PARD3B: variants seen among roughly 807,000 people sequenced by gnomAD.
PARD3B encodes partitioning defective 3 homolog B.
PARD3B carries 103 observed loss-of-function variants against 130.2 expected under a neutral mutation model. That is an observed-to-expected ratio of 0.79 (90% CI 0.67 to 0.93). The LOEUF (loss-of-function observed/expected upper bound fraction) is 0.93, where lower values mean the gene tolerates loss of function less well. Among genes scored for constraint, PARD3B ranks in the 40% least tolerant of loss-of-function variants. The probability of loss-of-function intolerance (pLI) is 0.00; values close to 1 mark genes in which losing one functional copy is unlikely to be tolerated. For missense variants in PARD3B, 1,609 were observed against 1,499.2 expected (o/e 1.07, Z -1.21); for synonymous variants, 583 against 553.2 (o/e 1.05, Z -0.76).
chr2:205,150,252 T>TGTGC lies in PARD3B; in HGVS notation c.1435-8469_1435-8468insTGCG, dbSNP rs375301293. Among the ~76,000 whole-genome samples the TGTGC allele has an allele frequency of 3.0e-3, 432 of 145,874 alleles. 8 individuals are homozygous for TGTGC. Among genetic ancestry groups the TGTGC allele is most frequent in the African/African-American group, 0.01 (392 of 38,952 alleles). ...GTGTGTGTGTGTGTGTGTGTGTGTG[T>TGTGC]GCACACACGCTTGAAATCTGTGAGT... On this transcript the variant is annotated intron_variant, in intron 10 of 22. Coordinates refer to ENST00000406610, the MANE Select transcript of PARD3B (RefSeq NM_001302769.2).
At chr2:205,539,989 C>G (rs181911607) in intron 21 of PARD3B, among the ~76,000 whole-genome samples, 1 of 152,236 alleles carries the variant, frequency 6.6e-6, no homozygotes, top group Non-Finnish European at 1.5e-5. Context: ...CCAAACTTTC[C>G]TCATTTTAGT....
intron 1 of PARD3B, among the ~76,000 whole-genome samples, chr2:204,615,993 C>T (rs996809233): frequency 6.6e-6 from 1 of 152,094 alleles, no homozygotes; most frequent in African/African-American, 2.4e-5. Flanking sequence ...AATGGATAGA[C>T]CTACATGTAC....
In PARD3B at chr2:205,607,485, A is replaced by AC. The variant is rs539032623; in HGVS notation, c.3261-7969dup. Among the ~76,000 whole-genome samples the AC allele has an allele frequency of 7.9e-5, 12 of 151,050 alleles. No homozygotes were observed. The South Asian group carries it at 2.4e-3, about 30-fold the overall frequency. ...AGTGTGACTTTGATCACATTATTTA[A>AC]CCTCTCTGCTTCTCGGTTTCCTCAT... On this transcript the variant is annotated intron_variant, in intron 22 of 22. Coordinates refer to ENST00000406610, the MANE Select transcript of PARD3B (RefSeq NM_001302769.2).
At chr2:205,483,091 C>T (rs891400421) in intron 20 of PARD3B, among the ~76,000 whole-genome samples, 8 of 152,114 alleles carry the variant, frequency 5.3e-5, no homozygotes, top group African/African-American at 1.9e-4. Flanking sequence ...CCTTCAAATT[C>T]AAGTGCATGC....
At chr2:205,040,281 C>A (rs1698302951) in intron 3 of PARD3B, among the ~76,000 whole-genome samples, 1 of 152,144 alleles carries the variant, frequency 6.6e-6, no homozygotes, top group Non-Finnish European at 1.5e-5. Context: ...CTTTTATTGG[C>A]TATCTAAATT....
intron 2 of PARD3B, among the ~76,000 whole-genome samples, chr2:204,900,333 A>G (rs1294945949): frequency 6.6e-6 from 1 of 151,722 alleles, no homozygotes. Flanking sequence ...CTGACTGTGT[A>G]TTTTCAAATA....
intron 19 of PARD3B, among the ~76,000 whole-genome samples, chr2:205,422,444 C>T (rs1344400913): frequency 6.6e-6 from 1 of 152,170 alleles, no homozygotes; most frequent in Non-Finnish European, 1.5e-5. Flanking sequence ...TGTTTAATGA[C>T]TAGATTCTCC....
In PARD3B at chr2:205,292,154, C is replaced by A. The variant is rs1482382302; in HGVS notation, c.2186-8376C>A. On this transcript the variant is annotated intron_variant, in intron 16 of 22. Coordinates refer to ENST00000406610, the MANE Select transcript of PARD3B (RefSeq NM_001302769.2). The surrounding 1 kb of genome is among the most constrained non-coding windows in gnomAD (Gnocchi z 5.3). ...GTAGCATGGGTCACAGAGGCTATCC[C>A]TCCCAAGGGCACAGGCAGCAACTTT... 6.6e-6 allele frequency among the ~76,000 whole-genome samples: 1 copy of A among 152,216 alleles called. No individual in the cohort carries two copies. The highest frequency in any genetic ancestry group is 1.5e-5 in the Non-Finnish European group (1 of 68,040).
chr2:205,392,097 A>G (rs2045880526), intron 18 of PARD3B, among the ~76,000 whole-genome samples: 1 of 152,154 alleles, frequency 6.6e-6, no homozygotes, highest in African/African-American at 2.4e-5. Flanking sequence ...CGTATCTGGT[A>G]TTTCTAAATC....
At chr2:204,658,926 C>T (rs899881577) in intron 1 of PARD3B, among the ~76,000 whole-genome samples, 1 of 152,264 alleles carries the variant, frequency 6.6e-6, no homozygotes, top group Admixed American at 6.5e-5. Flanking sequence ...CATTTAAAAG[C>T]TCATGTAGAT....
chr2:205,111,893 C>T (rs993057696), intron 5 of PARD3B, among the ~76,000 whole-genome samples: 1 of 152,022 alleles, frequency 6.6e-6, no homozygotes, highest in Non-Finnish European at 1.5e-5. Flanking sequence ...GTTTAGTCTT[C>T]CACAAATGCC....
intron 3 of PARD3B, among the ~76,000 whole-genome samples, chr2:204,973,840 C>G (rs1382026065): frequency 2.0e-5 from 3 of 152,180 alleles, no homozygotes; most frequent in Non-Finnish European, 2.9e-5. Flanking sequence ...TTCTCACACC[C>G]CAAAGTGATA....
chr2:204,861,165 T>C (rs955190601), intron 2 of PARD3B, among the ~76,000 whole-genome samples: 4 of 19,432 alleles, frequency 2.1e-4, no homozygotes, highest in Non-Finnish European at 3.3e-4. Flanking sequence ...AATACCTTTC[T>C]CTCTCTCTCT....
intron 20 of PARD3B, among the ~76,000 whole-genome samples, chr2:205,481,142 G>A (rs930523596): frequency 2.0e-5 from 3 of 152,170 alleles, no homozygotes; most frequent in Non-Finnish European, 4.4e-5. Flanking sequence ...TAAACGTGAT[G>A]ACAAGGCAGT....
chr2:205,088,826 G>C (rs1220966835), intron 4 of PARD3B, among the ~76,000 whole-genome samples: 1 of 145,610 alleles, frequency 6.9e-6, no homozygotes, highest in Non-Finnish European at 1.5e-5. Flanking sequence ...GTGGAATCTT[G>C]CTTTGTCGTC....
chr2:205,554,294 G>A (rs35265460), intron 22 of PARD3B, among the ~76,000 whole-genome samples: 54,725 of 152,018 alleles, frequency 0.36, 10,997 homozygotes, highest in East Asian at 0.61. Flanking sequence ...CCAACTCAGA[G>A]ATGGAGTGAC....
At chr2:205,537,152 A>G (rs1208250225) in intron 21 of PARD3B, among the ~76,000 whole-genome samples, 2 of 152,108 alleles carry the variant, frequency 1.3e-5, no homozygotes, top group African/African-American at 2.4e-5. Flanking sequence ...CAATTCTCCA[A>G]CTGAGCCCAC....
intron 1 of PARD3B, among the ~76,000 whole-genome samples, chr2:204,667,250 TAA>T (rs2036067107): frequency 3.3e-5 from 5 of 152,234 alleles, no homozygotes; most frequent in Admixed American, 2.0e-4. Flanking sequence ...TTCATTACTG[TAA>T]CTGCAGCAAG....
intron 1 of PARD3B, among the ~76,000 whole-genome samples, chr2:204,593,160 T>C (rs1251754898): frequency 4.7e-5 from 4 of 85,742 alleles, no homozygotes; most frequent in Non-Finnish European, 1.4e-4. Flanking sequence ...GTACGTTTCA[T>C]GTAAGATTAT....
Sources: gnomAD v4.1 joint callset for allele counts (sites outside exome capture counted in the v4.1 genomes callset) on GRCh38, gnomAD v4.1.1 for gene constraint, Gnocchi (gnomAD v3.1) non-coding constraint, MANE v1.5 for transcripts, NCBI Gene and HGNC (gene_info 2026-07-23, HGNC 2026-07-21) for gene names.